Variants in CSMD1 observed in about 807,000 individuals in gnomAD.
CSMD1 encodes CUB and sushi domain-containing protein 1.
CSMD1 carries 213 observed loss-of-function variants against 417.5 expected under a neutral mutation model. The ratio of observed to expected loss-of-function variants is 0.51; its 90% confidence interval spans 0.46 to 0.57. The LOEUF (loss-of-function observed/expected upper bound fraction) is 0.57, where lower values mean the gene tolerates loss of function less well. Among genes scored for constraint, CSMD1 ranks in the 20% least tolerant of loss-of-function variants. CSMD1 has a pLI of 0.00. For synonymous variants in CSMD1, 2,862 were observed against 1,736.8 expected (o/e 1.65, Z -16.11); for missense variants, 6,923 against 4,529.7 (o/e 1.53, Z -15.17).
chr8:3,460,670 G>T (rs181479501), intron 12 of CSMD1, among the ~76,000 whole-genome samples: 1 of 152,076 alleles, frequency 6.6e-6, no homozygotes, highest in Non-Finnish European at 1.5e-5. Flanking sequence ...CGAAATTCGT[G>T]GAGAAAAAGA....
chr8:3,032,068 G>C (rs1400601160), intron 50 of CSMD1, among the ~76,000 whole-genome samples: 2 of 151,576 alleles, frequency 1.3e-5, no homozygotes, highest in African/African-American at 4.8e-5. Context: ...AAAAGAAAGA[G>C]AGGAAAGAAA....
intron 26 of CSMD1, among the ~76,000 whole-genome samples, chr8:3,267,733 G>T (rs1403330555): frequency 6.6e-6 from 1 of 152,220 alleles, no homozygotes; most frequent in Non-Finnish European, 1.5e-5. Context: ...GTTACCCGGT[G>T]GGTGGGGCAC....
intron 5 of CSMD1, among the ~76,000 whole-genome samples, chr8:3,825,942 C>T (rs1034574527): frequency 6.6e-6 from 1 of 152,330 alleles, no homozygotes; most frequent in Admixed American, 6.5e-5. Flanking sequence ...TAAATTCCAA[C>T]TTAAGATTAA....
intron 6 of CSMD1, among the ~76,000 whole-genome samples, chr8:3,720,987 T>TTC (rs1802132800): frequency 1.7e-5 from 2 of 120,416 alleles, no homozygotes; most frequent in African/African-American, 7.5e-5. Context: ...GGCTAATTTA[T>TTC]TTTTTTTGTA....
chr8:4,651,727 G>A (rs530474586), intron 1 of CSMD1, among the ~76,000 whole-genome samples: 82 of 152,154 alleles, frequency 5.4e-4, no homozygotes, highest in African/African-American at 1.7e-3. Flanking sequence ...TAATTCACAC[G>A]TCTTTAGATT....
intron 5 of CSMD1, among the ~76,000 whole-genome samples, chr8:3,864,243 G>C (rs1804924347): frequency 6.6e-6 from 1 of 152,168 alleles, no homozygotes; most frequent in Non-Finnish European, 1.5e-5. Flanking sequence ...ATAGACTGTT[G>C]TTAAAATTAA....
intron 3 of CSMD1, among the ~76,000 whole-genome samples, chr8:4,386,205 C>G (rs1374448551): frequency 6.6e-6 from 1 of 151,450 alleles, no homozygotes; most frequent in African/African-American, 2.4e-5. Flanking sequence ...CCTTCCATCC[C>G]TGGTTATGAC....
At chr8:4,172,232 G>A (rs1479898520) in intron 3 of CSMD1, among the ~76,000 whole-genome samples, 1 of 152,094 alleles carries the variant, frequency 6.6e-6, no homozygotes, top group East Asian at 1.9e-4. Flanking sequence ...AGAGAATAGG[G>A]TCAAGTCTGC....
At chr8:3,225,023 T>C (rs1402037348) in intron 27 of CSMD1, among the ~76,000 whole-genome samples, 1 of 152,224 alleles carries the variant, frequency 6.6e-6, no homozygotes, top group Non-Finnish European at 1.5e-5. Flanking sequence ...ATTCCCATTA[T>C]TGGTCACACA....
chr8:4,855,655 A>G (rs2116851939), intron 1 of CSMD1, among the ~76,000 whole-genome samples: 1 of 152,350 alleles, frequency 6.6e-6, no homozygotes, highest in East Asian at 1.9e-4. Context: ...ACTGGAAGAT[A>G]GGGTATCAGC....
At chr8:3,885,429 C>T (rs1806495776) in intron 5 of CSMD1, among the ~76,000 whole-genome samples, 1 of 152,040 alleles carries the variant, frequency 6.6e-6, no homozygotes, top group Non-Finnish European at 1.5e-5. Context: ...TCACAGGATG[C>T]TATCAATTAT....
At chr8:4,252,881 A>T (rs1389585062) in intron 3 of CSMD1, among the ~76,000 whole-genome samples, 1 of 152,160 alleles carries the variant, frequency 6.6e-6, no homozygotes, top group East Asian at 1.9e-4. Flanking sequence ...GGCAAAGAGA[A>T]TTTCAGGTGC....
intron 7 of CSMD1, among the ~76,000 whole-genome samples, chr8:3,675,160 CAT>C (rs907253122): frequency 1.3e-5 from 2 of 152,198 alleles, no homozygotes; most frequent in South Asian, 2.1e-4. Context: ...ACTTTCTCCA[CAT>C]GTCTTTCCCC....
chr8:3,796,046 TCATA>T (rs1563088923), intron 5 of CSMD1, among the ~76,000 whole-genome samples: 2 of 43,182 alleles, frequency 4.6e-5, no homozygotes, highest in Admixed American at 2.9e-4. Flanking sequence ...TATATATCTA[TCATA>T]GATATAGATA....
At chr8:3,315,723 A>G (rs978451213) in intron 23 of CSMD1, among the ~76,000 whole-genome samples, 2 of 152,218 alleles carry the variant, frequency 1.3e-5, no homozygotes, top group Non-Finnish European at 2.9e-5. Context: ...AAGGTAAAAC[A>G]TCAAAAAGCC....
intron 5 of CSMD1, among the ~76,000 whole-genome samples, chr8:3,961,872 ACAG>A: frequency 6.6e-6 from 1 of 152,290 alleles, no homozygotes; most frequent in East Asian, 1.9e-4. Flanking sequence ...TAGTCCTAAA[ACAG>A]CGCATCCTGC....
At chr8:3,250,287 C>T (rs1311782074) in intron 26 of CSMD1, among the ~76,000 whole-genome samples, 1 of 152,172 alleles carries the variant, frequency 6.6e-6, no homozygotes, top group Non-Finnish European at 1.5e-5. Flanking sequence ...CAATTCCCAC[C>T]TATGAGTGAG....
At chr8:3,577,148 A>T (rs1208670863) in intron 9 of CSMD1, among the ~76,000 whole-genome samples, 1 of 152,178 alleles carries the variant, frequency 6.6e-6, no homozygotes, top group African/African-American at 2.4e-5. Context: ...GGCCCCGCCC[A>T]TGGCTTTGTG....
At chr8:4,011,660 T>C (rs191296736) in intron 4 of CSMD1, among the ~76,000 whole-genome samples, 39 of 152,184 alleles carry the variant, frequency 2.6e-4, no homozygotes, top group Non-Finnish European at 1.2e-4. Flanking sequence ...ATTCCTACAC[T>C]TCCTAAATTT....
Sources: gnomAD v4.1 joint callset for allele counts (sites outside exome capture counted in the v4.1 genomes callset) on GRCh38, gnomAD v4.1.1 for gene constraint, MANE v1.5 for transcripts, NCBI Gene and HGNC (gene_info 2026-07-23, HGNC 2026-07-21) for gene names.